DENND1A: variants seen among roughly 807,000 people sequenced by gnomAD.
DENND1A encodes DENN domain-containing protein 1A.
DENND1A carries 51 observed loss-of-function variants against 113.7 expected under a neutral mutation model. The ratio of observed to expected loss-of-function variants is 0.45; its 90% confidence interval spans 0.36 to 0.57. DENND1A has a LOEUF of 0.57. DENND1A is among the 20% of genes least tolerant of loss of function. The pLI is 0.00. For synonymous variants in DENND1A, 565 were observed against 570.8 expected, an observed-to-expected ratio of 0.99 and a Z score of 0.14; for missense variants, 1,258 against 1,395.9, an observed-to-expected ratio of 0.90 and a Z score of 1.57.
At chr9:123,475,113 G>A (rs1314863078) in intron 13 of DENND1A, among the ~76,000 whole-genome samples, 1 of 152,062 alleles carries the variant, frequency 6.6e-6, no homozygotes, top group Non-Finnish European at 1.5e-5. Flanking sequence ...CTGCCTCCTG[G>A]GTTCAAGTGG....
chr9:123,833,992 G>T (rs10986117), intron 2 of DENND1A, among the ~76,000 whole-genome samples: 2 of 152,172 alleles, frequency 1.3e-5, no homozygotes, highest in Non-Finnish European at 2.9e-5. Flanking sequence ...GGAGGCGGGG[G>T]TTGCAGGAAG....
At position 123,429,828 on chromosome 9, in the gene DENND1A, A is replaced by G. The variant is rs144480165; in HGVS notation, c.1488+10532T>C. Among the ~76,000 whole-genome samples, 705 of 152,364 alleles carry G rather than the reference A, an allele frequency of 4.6e-3. 7 individuals are homozygous for G. Among genetic ancestry groups the G allele is most frequent in the Non-Finnish European group, 7.1e-3 (482 of 68,038 alleles). ...AAAATGCCAAAAGCAATGTGCAACA[A>G]AAGCAAAAATTGACAAATGGGATCT... On this transcript the variant is annotated intron_variant, in intron 19 of 23. Coordinates refer to ENST00000394215, the MANE Select transcript of DENND1A (RefSeq NM_001352964.2).
intron 13 of DENND1A, among the ~76,000 whole-genome samples, chr9:123,544,339 A>G (rs1459016927): frequency 6.6e-6 from 1 of 152,276 alleles, no homozygotes; most frequent in Non-Finnish European, 1.5e-5. Context: ...AAAAAGATAT[A>G]TAAAATTTTG....
At chr9:123,662,221 G>A (rs2063277007) in intron 8 of DENND1A, among the ~76,000 whole-genome samples, 1 of 152,188 alleles carries the variant, frequency 6.6e-6, no homozygotes. Context: ...CTTCAAAGTT[G>A]GGAAGATAGA....
chr9:123,623,781 C>G (rs1185242575), intron 10 of DENND1A, among the ~76,000 whole-genome samples: 5 of 152,224 alleles, frequency 3.3e-5, no homozygotes, highest in African/African-American at 7.2e-5. Flanking sequence ...GTCATGGCCT[C>G]TGGTCCACAG....
chr9:123,397,964 AGT>A (rs2043220509), intron 21 of DENND1A, among the ~76,000 whole-genome samples: 1 of 152,152 alleles, frequency 6.6e-6, no homozygotes, highest in Admixed American at 6.5e-5. Flanking sequence ...GTGACTGGAG[AGT>A]GTTCAGTGTC....
At chr9:123,832,029 T>G (rs1390539102) in intron 2 of DENND1A, among the ~76,000 whole-genome samples, 1 of 152,170 alleles carries the variant, frequency 6.6e-6, no homozygotes, top group Non-Finnish European at 1.5e-5. Flanking sequence ...GACATGTTGA[T>G]TCACTTGATT....
chr9:123,456,631 C>A (rs569790510), intron 15 of DENND1A, among the ~76,000 whole-genome samples: 1 of 152,034 alleles, frequency 6.6e-6, no homozygotes, highest in Non-Finnish European at 1.5e-5. Context: ...ACCAACATGG[C>A]GAAACCCTGT....
At chr9:123,397,641 A>G (rs1176997992) in intron 21 of DENND1A, among the ~76,000 whole-genome samples, 2 of 152,226 alleles carry the variant, frequency 1.3e-5, no homozygotes. Context: ...ATTGCAAGGA[A>G]GTTGCAGCTC....
chr9:123,754,023 C>T (rs990680273), intron 5 of DENND1A, among the ~76,000 whole-genome samples: 42 of 152,138 alleles, frequency 2.8e-4, no homozygotes, highest in Non-Finnish European at 7.3e-5. Flanking sequence ...GCTACGTCTG[C>T]ACAGATGCCA....
chr9:123,537,978 C>CAA (rs1366835716), intron 13 of DENND1A, among the ~76,000 whole-genome samples: 1 of 152,242 alleles, frequency 6.6e-6, no homozygotes, highest in East Asian at 1.9e-4. Context: ...CAGTAACAGA[C>CAA]AGAGTCCCCT....
chr9:123,918,820 A>G (rs1855709876), intron 1 of DENND1A, among the ~76,000 whole-genome samples: 1 of 152,098 alleles, frequency 6.6e-6, no homozygotes, highest in Non-Finnish European at 1.5e-5. Flanking sequence ...TAATTAATGA[A>G]CAGATCAAAG....
intron 8 of DENND1A, among the ~76,000 whole-genome samples, chr9:123,663,317 C>T (rs2063336618): frequency 6.6e-6 from 1 of 152,158 alleles, no homozygotes. Flanking sequence ...TCCTCATTGT[C>T]ATTAATTTCT....
At chr9:123,461,747 C>T (rs565744601) in intron 13 of DENND1A, among the ~76,000 whole-genome samples, 1 of 152,288 alleles carries the variant, frequency 6.6e-6, no homozygotes, top group South Asian at 2.1e-4. Flanking sequence ...AGGTGATATC[C>T]CCCGGACAAG....
At chr9:123,414,954 A>G (rs112190878) in intron 19 of DENND1A, among the ~76,000 whole-genome samples, 1 of 152,324 alleles carries the variant, frequency 6.6e-6, no homozygotes, top group African/African-American at 2.4e-5. Flanking sequence ...TTCCTGGCAC[A>G]TGTAAAAACA....
In DENND1A at chr9:123,652,027, T is replaced by G; in HGVS notation, c.604A>C (p.Ser202Arg). 6.2e-7 allele frequency: 1 copy of G among 1,614,132 alleles called. No homozygotes were observed. Among genetic ancestry groups the G allele is most frequent in the South Asian group, 1.1e-5 (1 of 91,072 alleles). Reference protein sequence around the residue: ...LYERRILIICSKLSTLTACIH... With the variant: ...LYERRILIICRKLSTLTACIH... Reference sequence around the variant, plus strand: ...TGTCTACTCACAGTGCTGAGTTTGCTGCAAATGATGAGTATCCGGCGTTCG... The same window carrying G: ...TGTCTACTCACAGTGCTGAGTTTGCGGCAAATGATGAGTATCCGGCGTTCG... The change falls in exon 9 of 24, where the codon AGC (serine) becomes CGC (arginine). Residue 202 changes from serine (S) to arginine (R), a missense_variant. Coordinates refer to ENST00000394215, the MANE Select transcript of DENND1A (RefSeq NM_001352964.2).
chr9:123,885,027 ACACT>A (rs1369600664), intron 1 of DENND1A, among the ~76,000 whole-genome samples: 6 of 128,786 alleles, frequency 4.7e-5, no homozygotes, highest in South Asian at 2.5e-4. Flanking sequence ...ACACACACAC[ACACT>A]CACTCTCTCT....
intron 19 of DENND1A, among the ~76,000 whole-genome samples, chr9:123,420,955 G>A (rs2045241242): frequency 6.6e-6 from 1 of 151,400 alleles, no homozygotes; most frequent in Admixed American, 6.6e-5. Flanking sequence ...CATCCCATTG[G>A]TGGCCGGAGG....
At chr9:123,437,047 A>C (rs187617005) in intron 19 of DENND1A, among the ~76,000 whole-genome samples, 44 of 152,250 alleles carry the variant, frequency 2.9e-4, no homozygotes, top group Middle Eastern at 3.4e-3. Context: ...TATGACTATG[A>C]AGTGGGCCTG....
Sources: gnomAD v4.1 joint callset for allele counts (sites outside exome capture counted in the v4.1 genomes callset) on GRCh38, gnomAD v4.1.1 for gene constraint, MANE v1.5 for transcripts, NCBI Gene and HGNC (gene_info 2026-07-23, HGNC 2026-07-21) for gene names.